ATXN10: variants seen among roughly 807,000 people sequenced by gnomAD.
ATXN10 encodes ataxin-10.
In ATXN10, 28 loss-of-function variants were observed where a neutral mutation model predicts 52.9. The ratio of observed to expected loss-of-function variants is 0.53; its 90% CI spans 0.39 to 0.73. The LOEUF (loss-of-function observed/expected upper bound fraction) is 0.73, where lower values mean the gene tolerates loss of function less well. Ranked by LOEUF, ATXN10 falls within the 30% of genes least tolerant of loss-of-function variation. ATXN10 has a pLI of 0.00. For synonymous variants in ATXN10, 226 were observed against 221.5 expected, an observed-to-expected ratio of 1.02 and a Z score of -0.18; for missense variants, 565 against 577.0, an observed-to-expected ratio of 0.98 and a Z score of 0.21.
chr22:45,779,331 G>A lies in ATXN10; in HGVS notation c.1174-27628G>A, dbSNP rs117281381. ...GTATGTAAGTGGAAGTATGATTTTT[G>A]TTGGACCACATAGTCACTGAAGGCA... On this transcript the variant is annotated intron_variant, in intron 9 of 11. Coordinates refer to ENST00000252934, the MANE Select transcript of ATXN10 (RefSeq NM_013236.4). Among the ~76,000 whole-genome samples, 600 of 152,278 alleles carry A rather than the reference G, an allele frequency of 3.9e-3. 31 individuals carry two copies. In the East Asian group the frequency reaches 0.097, roughly 25 times the overall value.
intron 1 of ATXN10, among the ~76,000 whole-genome samples, chr22:45,686,459 A>G (rs1449540595): frequency 6.6e-6 from 1 of 152,182 alleles, no homozygotes; most frequent in Non-Finnish European, 1.5e-5. Flanking sequence ...CCAGGGCTTC[A>G]TAGAGGGAGT....
In ATXN10 at chr22:45,748,958, CA is replaced by C. The variant is rs542396656; in HGVS notation, c.1173+8425del. The stretch of plus-strand genomic sequence containing the variant: ...TAAAGGATGGTCTACCATTTGACTC[CA>C]AAAACCCCTTTTCTATGTCTTGTTC... On this transcript the variant is annotated intron_variant, in intron 9 of 11. Coordinates refer to ENST00000252934, the MANE Select transcript of ATXN10 (RefSeq NM_013236.4). Among the ~76,000 whole-genome samples, 979 of 152,166 alleles carry C rather than the reference CA, an allele frequency of 6.4e-3. 4 individuals are homozygous for C. The highest frequency in any genetic ancestry group is 0.012 in the Admixed American group (190 of 15,284).
rs1555896219 is a variant in ATXN10 at position 45,795,424 on chromosome 22, T to TATTCTTTTCTATTC, written c.1174-11535_1174-11534insATTCTTTTCTATTC. On this transcript the variant is annotated intron_variant, in intron 9 of 11. Coordinates refer to ENST00000252934, the MANE Select transcript of ATXN10 (RefSeq NM_013236.4). The surrounding 1 kb of genome is among the most constrained non-coding windows in gnomAD (Gnocchi z 4.6). ...TATTCTATTCTATTCTATTCTATTC[T>TATTCTTTTCTATTC]TTTTGAGATGAAGTCTCTCTATGTT... 2.0e-5 allele frequency among the ~76,000 whole-genome samples: 3 copies of TATTCTTTTCTATTC among 147,458 alleles called. No homozygotes were observed. Among genetic ancestry groups the TATTCTTTTCTATTC allele is most frequent in the African/African-American group, 2.6e-5 (1 of 38,924 alleles).
rs1489415251 is a variant in ATXN10, at chr22:45,681,932, A to G, written c.117-7780A>G. Among the ~76,000 whole-genome samples, 2 of 152,192 alleles carry G rather than the reference A, an allele frequency of 1.3e-5. No homozygotes were observed. The highest frequency in any genetic ancestry group is 2.9e-5 in the Non-Finnish European group (2 of 68,044). On this transcript the variant is annotated intron_variant, in intron 1 of 11. Coordinates refer to ENST00000252934, the MANE Select transcript of ATXN10 (RefSeq NM_013236.4). This position sits in a 1 kb window ranked among gnomAD's most constrained non-coding sequence, Gnocchi z 4.2. Reference sequence around the variant, plus strand: ...TCACCCTCTCTGCCCACCTACTTGTATCTGTGCCCGTAGCCTGCCTTTGCT... The same window carrying G: ...TCACCCTCTCTGCCCACCTACTTGTGTCTGTGCCCGTAGCCTGCCTTTGCT...
At position 45,780,091 on chromosome 22, in the gene ATXN10, T is replaced by C. The variant is rs1927094246; in HGVS notation, c.1174-26868T>C. ...AAAAAGGCAGACTGCATCATCTTTT[T>C]TTTTTTTTTTGAGACGGAGTCTCGT... On this transcript the variant is annotated intron_variant, in intron 9 of 11. Transcript: ENST00000252934. The surrounding 1 kb of genome is among the most constrained non-coding windows in gnomAD (Gnocchi z 4.0). 6.6e-6 allele frequency among the ~76,000 whole-genome samples: 1 copy of C among 151,978 alleles called. No homozygotes were observed. The highest frequency in any genetic ancestry group is 2.4e-5 in the African/African-American group (1 of 41,424).
chr22:45,737,348 G>A (rs1328244515), intron 7 of ATXN10, among the ~76,000 whole-genome samples: 2 of 152,198 alleles, frequency 1.3e-5, no homozygotes, highest in Non-Finnish European at 2.9e-5. Flanking sequence ...TGAAGGAGCA[G>A]TGGTATCTCA....
intron 10 of ATXN10, chr22:45,811,894 G>A: frequency 4.7e-6 from 2 of 425,672 alleles, no homozygotes; most frequent in Non-Finnish European, 9.7e-6. Flanking sequence ...CCTTGCATAA[G>A]CATGCCCCTG....
At chr22:45,673,181 C>T (rs1922541703) in intron 1 of ATXN10, 1 of 152,204 alleles carries the variant, frequency 6.6e-6, no homozygotes, top group Non-Finnish European at 1.5e-5. Context: ...GGTAGTTACC[C>T]ATGTATCAGC....
intron 9 of ATXN10, among the ~76,000 whole-genome samples, chr22:45,755,161 A>G (rs767305801): frequency 2.0e-5 from 3 of 152,230 alleles, no homozygotes; most frequent in Non-Finnish European, 4.4e-5. Flanking sequence ...GTGCCTGCAC[A>G]GTGCTTGTAA....
chr22:45,771,620 T>C (rs1926782437), intron 9 of ATXN10, among the ~76,000 whole-genome samples: 1 of 152,098 alleles, frequency 6.6e-6, no homozygotes, highest in Admixed American at 6.5e-5. Flanking sequence ...TTTCACCATG[T>C]TGGCCCGGCT....
rs150129991 is a variant in ATXN10 at position 45,708,064 on chromosome 22, G to A, written c.647+5217G>A. 6.6e-6 allele frequency among the ~76,000 whole-genome samples: 1 copy of A among 152,226 alleles called. No homozygotes were observed. Among genetic ancestry groups the A allele is most frequent in the East Asian group, 1.9e-4 (1 of 5,190 alleles). On this transcript the variant is annotated intron_variant, in intron 5 of 11. Transcript: ENST00000252934. This position sits in a 1 kb window ranked among gnomAD's most constrained non-coding sequence, Gnocchi z 5.3. ...GCAAATGTGATTCCAATAACTTTGG[G>A]TTTTTTTATTTGAGTATACTAGAGA... is the stretch of plus-strand genomic sequence containing the variant.
At position 45,791,641 on chromosome 22, in the gene ATXN10, T is replaced by C. The variant is rs1437063299; in HGVS notation, c.1174-15318T>C. On this transcript the variant is annotated intron_variant, in intron 9 of 11. Coordinates refer to ENST00000252934, the MANE Select transcript of ATXN10 (RefSeq NM_013236.4). The stretch of plus-strand genomic sequence containing the variant: ...TTGAGAAAAGTCTGCCTGAACATGA[T>C]GTATTATTGTAGCATCTTTGATTTA... Among the ~76,000 whole-genome samples the C allele has an allele frequency of 2.0e-5, 3 of 152,244 alleles. No individual in the cohort carries two copies. In the East Asian group the frequency reaches 5.8e-4, roughly 29 times the overall value.
At position 45,757,334 on chromosome 22, in the gene ATXN10, T is replaced by C. The variant is rs914960937; in HGVS notation, c.1173+16796T>C. 1.3e-5 allele frequency among the ~76,000 whole-genome samples: 2 copies of C among 152,140 alleles called. No homozygotes were observed. The highest frequency in any genetic ancestry group is 4.8e-5 in the African/African-American group (2 of 41,424). On this transcript the variant is annotated intron_variant, in intron 9 of 11. Coordinates refer to ENST00000252934, the MANE Select transcript of ATXN10 (RefSeq NM_013236.4). The surrounding 1 kb of genome is among the most constrained non-coding windows in gnomAD (Gnocchi z 4.6). ...AAACAAAAATGCCTCAGAGCTTCAG[T>C]GTAACTGGAGCAATACCAGCTGATT...
In ATXN10 at chr22:45,718,497, A is replaced by ACC; in HGVS notation, c.728+9_728+10dup. 6.2e-7 allele frequency: 1 copy of ACC among 1,612,372 alleles called. No homozygotes were observed. Among genetic ancestry groups the ACC allele is most frequent in the Non-Finnish European group, 8.5e-7 (1 of 1,178,482 alleles). ...CCAAACTGAACAATCAAGAAAGGTA[A>ACC]CCCCCCAACCAGCGTGGTCTGGAGT... On this transcript the variant is annotated splice_donor_region_variant and intron_variant, in intron 6 of 11. Coordinates refer to ENST00000252934, the MANE Select transcript of ATXN10 (RefSeq NM_013236.4). The surrounding 1 kb of genome is among the most constrained non-coding windows in gnomAD (Gnocchi z 4.4).
rs976246907 is a variant in ATXN10, at chr22:45,727,580, C to T, written c.729-1845C>T. Among the ~76,000 whole-genome samples, 3 of 152,044 alleles carry T rather than the reference C, an allele frequency of 2.0e-5. No individual in the cohort carries two copies. Among genetic ancestry groups the T allele is most frequent in the Non-Finnish European group, 4.4e-5 (3 of 68,002 alleles). ...TTCACCATGTTGGCCAGGCTGGTCT[C>T]GAATGCCCGATCTCAGGTGATCCCC... is the stretch of plus-strand genomic sequence containing the variant. On this transcript the variant is annotated intron_variant, in intron 6 of 11. Transcript: ENST00000252934. The surrounding 1 kb of genome is among the most constrained non-coding windows in gnomAD (Gnocchi z 4.6).
chr22:45,683,383 G>T lies in ATXN10; in HGVS notation c.117-6329G>T, dbSNP rs868329710. Among the ~76,000 whole-genome samples, 3 of 152,084 alleles carry T rather than the reference G, an allele frequency of 2.0e-5. No homozygotes were observed. Among genetic ancestry groups the T allele is most frequent in the African/African-American group, 7.2e-5 (3 of 41,422 alleles). ...TCAGGATAAAAGCCAGCGTCCTTCC[G>T]TGGCCTACTGTGCCTGTCCAGGGTG... is the stretch of plus-strand genomic sequence containing the variant. On this transcript the variant is annotated intron_variant, in intron 1 of 11. Coordinates refer to ENST00000252934, the MANE Select transcript of ATXN10 (RefSeq NM_013236.4). The surrounding 1 kb of genome is among the most constrained non-coding windows in gnomAD (Gnocchi z 4.8).
intron 1 of ATXN10, among the ~76,000 whole-genome samples, chr22:45,689,057 A>G (rs1923262949): frequency 6.6e-6 from 1 of 152,174 alleles, no homozygotes. Context: ...TGGTGGAAGA[A>G]CAGGCACACT....
chr22:45,711,333 G>T (rs910657240), intron 5 of ATXN10, among the ~76,000 whole-genome samples: 4 of 152,090 alleles, frequency 2.6e-5, no homozygotes, highest in African/African-American at 9.7e-5. Flanking sequence ...CAAAATTACA[G>T]AAATGGAGAA....
chr22:45,718,343 A>T lies in ATXN10; in HGVS notation c.648-70A>T. The T allele has an allele frequency of 8.7e-7, 1 of 1,150,918 alleles. No homozygotes were observed. The highest frequency in any genetic ancestry group is 1.2e-5 in the South Asian group (1 of 81,646). 71.3% of individuals were successfully genotyped at this position (1,150,918 alleles called of 1,614,324 possible). The stretch of plus-strand genomic sequence containing the variant: ...GCTTTTGTGTGTAAGTGGTGCCTAT[A>T]AAGTAGATAAGGGCATGTCTCTTTT... On this transcript the variant is annotated intron_variant, in intron 5 of 11. Transcript: ENST00000252934. The surrounding 1 kb of genome is among the most constrained non-coding windows in gnomAD (Gnocchi z 4.4).
Sources: gnomAD v4.1 joint callset for allele counts (sites outside exome capture counted in the v4.1 genomes callset) on GRCh38, gnomAD v4.1.1 for gene constraint, Gnocchi (gnomAD v3.1) non-coding constraint, MANE v1.5 for transcripts, NCBI Gene and HGNC (gene_info 2026-07-23, HGNC 2026-07-21) for gene names.